Variants in TEK observed in about 807,000 individuals in gnomAD.
The protein encoded by TEK is angiopoietin-1 receptor.
A neutral mutation model predicts 131.8 loss-of-function variants in TEK; 43 were observed. The observed-to-expected ratio is 0.33, with a 90% CI of 0.26 to 0.42. The LOEUF (loss-of-function observed/expected upper bound fraction) is 0.42, where lower values mean the gene tolerates loss of function less well. TEK is among the 10% of genes least tolerant of loss of function. The probability of loss-of-function intolerance (pLI) is 1.00; values close to 1 mark genes in which losing one functional copy is unlikely to be tolerated. For missense variants in TEK, 1,162 were observed against 1,384.4 expected, an observed-to-expected ratio of 0.84 and a Z score of 2.55; for synonymous variants, 580 against 491.6, an observed-to-expected ratio of 1.18 and a Z score of -2.38.
Position 27,173,297 on chromosome 9 carries a change from T to A in TEK, c.836T>A (p.Phe279Tyr). 1 of 1,614,114 alleles carries A rather than the reference T, an allele frequency of 6.2e-7. No individual in the cohort carries two copies. The highest frequency in any genetic ancestry group is 8.5e-7 in the Non-Finnish European group (1 of 1,179,960). The change falls in exon 6 of 23, where the codon TTC becomes TAC. Residue 279 changes from phenylalanine to tyrosine, a missense_variant. Around this residue, in one of 6 missense-constraint regions of TEK, gnomAD observed 436 missense variants for 539.1 expected, o/e 0.81. Coordinates refer to ENST00000380036, the MANE Select transcript of TEK (RefSeq NM_000459.5). Reference sequence around the variant, plus strand: ...CAAGAGGGATGCAAGTCTTATGTGTTCTGTCTCCCTGACCCCTATGGGTGT... The same window carrying A: ...CAAGAGGGATGCAAGTCTTATGTGTACTGTCTCCCTGACCCCTATGGGTGT... ...SGQEGCKSYV[F>Y]CLPDPYGCSC...
chr9:27,158,289 G>A (rs570969062), intron 2 of TEK, 147 bp downstream of exon 2: 14 of 929,008 alleles, frequency 1.5e-5, no homozygotes, highest in South Asian at 5.6e-5. Context: ...ATGCATCACC[G>A]TGTCTGGTAC....
At chr9:27,126,688 A>G (rs1396463437) in intron 1 of TEK, among the ~76,000 whole-genome samples, 1 of 152,222 alleles carries the variant, frequency 6.6e-6, no homozygotes, top group Non-Finnish European at 1.5e-5. Flanking sequence ...ATCAGGCTCC[A>G]CTAACTGAAA....
intron 1 of TEK, among the ~76,000 whole-genome samples, chr9:27,125,537 C>G (rs1763879693): frequency 6.6e-6 from 1 of 152,124 alleles, no homozygotes; most frequent in African/African-American, 2.4e-5. Context: ...TCACCTTATG[C>G]CCAGGCAGTT....
chr9:27,166,019 C>G (rs988357714), intron 2 of TEK, among the ~76,000 whole-genome samples: 1 of 152,270 alleles, frequency 6.6e-6, no homozygotes, highest in Non-Finnish European at 1.5e-5. Flanking sequence ...CTTGATTAGT[C>G]TTTCTCAAAC....
chr9:27,226,939 G>T (rs781693075), intron 21 of TEK, among the ~76,000 whole-genome samples: 1 of 152,136 alleles, frequency 6.6e-6, no homozygotes, highest in Non-Finnish European at 1.5e-5. Flanking sequence ...ACTTCTAAGA[G>T]TGAAGGAGGG....
intron 2 of TEK, among the ~76,000 whole-genome samples, chr9:27,167,903 G>A (rs893053629): frequency 6.6e-6 from 1 of 151,952 alleles, no homozygotes; most frequent in Admixed American, 6.6e-5. Context: ...ATTGGAGAAG[G>A]ATGGCAGATT....
intron 21 of TEK, among the ~76,000 whole-genome samples, chr9:27,227,181 A>T (rs570197580): frequency 1.1e-4 from 16 of 152,160 alleles, no homozygotes; most frequent in Non-Finnish European, 2.1e-4. Flanking sequence ...CCCCAGAGTC[A>T]TTTGTTCAGC....
intron 1 of TEK, among the ~76,000 whole-genome samples, chr9:27,135,054 G>C (rs1343600275): frequency 2.6e-5 from 4 of 152,050 alleles, no homozygotes; most frequent in Non-Finnish European, 5.9e-5. Flanking sequence ...GAGAAGTCCT[G>C]TCTCTACTAA....
chr9:27,146,208 A>G (rs533143100), intron 1 of TEK, among the ~76,000 whole-genome samples: 6 of 152,228 alleles, frequency 3.9e-5, no homozygotes, highest in Admixed American at 6.5e-5. Context: ...ATATGCTGCA[A>G]TGAATATCCT....
At chr9:27,153,189 A>G (rs1823195064) in intron 1 of TEK, among the ~76,000 whole-genome samples, 1 of 152,166 alleles carries the variant, frequency 6.6e-6, no homozygotes, top group Non-Finnish European at 1.5e-5. Flanking sequence ...TGGCTCACAC[A>G]TGTAATCCCA....
At position 27,176,150 on chromosome 9, in the gene TEK, T is replaced by G. The variant is rs564986565; in HGVS notation, c.901+2788T>G. On this transcript the variant is annotated intron_variant, in intron 6 of 22. Transcript: ENST00000380036. ...AGGAGACATTTCTAACAGTAACTAC[T>G]TAAGGACATGGTCTCCTTTAATAGT... Among the ~76,000 whole-genome samples, 50 of 152,322 alleles carry G rather than the reference T, an allele frequency of 3.3e-4. 1 individual carries two copies. Among genetic ancestry groups the G allele is most frequent in the African/African-American group, 1.2e-3 (50 of 41,586 alleles).
In TEK at chr9:27,203,156, G is replaced by A. The variant is rs147215133; in HGVS notation, c.2209+37G>A. On this transcript the variant is annotated intron_variant, in intron 13 of 22. Coordinates refer to ENST00000380036, the MANE Select transcript of TEK (RefSeq NM_000459.5). The stretch of plus-strand genomic sequence containing the variant: ...GGACAAGTATTTACATAGGATTACC[G>A]TGCAGCCCTATAGGCAGCTGGTTTA... 4,814 of 1,608,736 alleles carry A rather than the reference G, an allele frequency of 3.0e-3. 142 individuals carry two copies. In the South Asian group the frequency reaches 0.049, roughly 16 times the overall value.
intron 22 of TEK, 102 bp from the exon 23 acceptor site, chr9:27,229,056 T>C (rs996784156): frequency 3.2e-6 from 3 of 951,908 alleles, no homozygotes; most frequent in Non-Finnish European, 5.2e-6. Context: ...GCTTAGTATA[T>C]GAGTTGCAAC....
intron 1 of TEK, among the ~76,000 whole-genome samples, chr9:27,140,043 T>C (rs538253158): frequency 1.6e-4 from 24 of 152,352 alleles, no homozygotes; most frequent in Admixed American, 1.4e-3. Flanking sequence ...TTAGGGTTTT[T>C]CAGATCCATT....
intron 11 of TEK, among the ~76,000 whole-genome samples, chr9:27,196,938 G>T (rs145609450): frequency 6.6e-6 from 1 of 151,538 alleles, no homozygotes; most frequent in Non-Finnish European, 1.5e-5. Flanking sequence ...ATGTATACAC[G>T]TGCCATGTTG....
intron 1 of TEK, among the ~76,000 whole-genome samples, chr9:27,119,162 A>G (rs1300487029): frequency 6.6e-6 from 1 of 152,266 alleles, no homozygotes; most frequent in Non-Finnish European, 1.5e-5. Flanking sequence ...AATGATGGAG[A>G]CAAGAGTTAC....
In TEK at chr9:27,203,068, T is replaced by C; in HGVS notation, c.2158T>C (p.Ser720Pro). The C allele has an allele frequency of 6.2e-7, 1 of 1,613,932 alleles. No homozygotes were observed. Among genetic ancestry groups the C allele is most frequent in the East Asian group, 2.2e-5 (1 of 44,854 alleles). The part of the protein sequence containing the change: ...VDIFAENNIG[S>P]SNPAFSHELV... ...CATTTTTGCAGAGAACAACATAGGG[T>C]CAAGCAACCCAGCCTTTTCTCATGA... The change falls in exon 13 of 23, where the codon TCA (serine) becomes CCA (proline). Residue 720 changes from serine to proline, a missense_variant. This residue lies in a region of TEK where 477 missense variants were observed against 471.0 expected (regional missense o/e 1.01). Coordinates refer to ENST00000380036, the MANE Select transcript of TEK (RefSeq NM_000459.5).
At chr9:27,122,458 G>T (rs1821827883) in intron 1 of TEK, among the ~76,000 whole-genome samples, 1 of 152,264 alleles carries the variant, frequency 6.6e-6, no homozygotes, top group Middle Eastern at 3.4e-3. Context: ...TTATGCAGTG[G>T]TTTTTGCGGC....
At chr9:27,226,717 G>A (rs1281128287) in intron 21 of TEK, among the ~76,000 whole-genome samples, 1 of 152,070 alleles carries the variant, frequency 6.6e-6, no homozygotes, top group African/African-American at 2.4e-5. Flanking sequence ...AGAACTGAAA[G>A]TATAATAATA....
Sources: gnomAD v4.1 joint callset for allele counts (sites outside exome capture counted in the v4.1 genomes callset) on GRCh38, gnomAD v4.1.1 for gene constraint, gnomAD v4.1.1 regional missense constraint, MANE v1.5 for transcripts, NCBI Gene and HGNC (gene_info 2026-07-23, HGNC 2026-07-21) for gene names.